The following SS18L2 variants were observed in gnomAD, a reference collection of about 807,000 sequenced individuals.
The protein encoded by SS18L2 is SS18 like 2, also known as SS18-like protein 2.
In SS18L2, 8 loss-of-function variants were observed where a neutral mutation model predicts 10.3. The observed-to-expected ratio is 0.78, with a 90% confidence interval of 0.46 to 1.41. The LOEUF (loss-of-function observed/expected upper bound fraction) is 1.41, where lower values mean the gene tolerates loss of function less well. SS18L2 is among the 40% of genes most tolerant of loss of function. SS18L2 has a pLI of 0.00. For missense variants in SS18L2, 100 were observed against 96.2 expected, an observed-to-expected ratio of 1.04 and a Z score of -0.17; for synonymous variants, 41 against 34.6, an observed-to-expected ratio of 1.19 and a Z score of -0.65.
Position 42,596,005 on chromosome 3 carries a change from T to C in SS18L2, c.*1496T>C, listed in dbSNP as rs74377054. 0.032 allele frequency among the ~76,000 whole-genome samples: 4,938 copies of C among 152,174 alleles called. 129 individuals are homozygous for C. Among genetic ancestry groups the C allele is most frequent in the East Asian group, 0.11 (585 of 5,164 alleles). ...CTCTTTCTTTTTTCTTTTTCTTCTT[T>C]TTTTTGGTTTTGTTTTGTTTTGTTT... On this transcript the variant is annotated 3_prime_UTR_variant, in exon 3 of 3. Coordinates refer to ENST00000011691, the MANE Select transcript of SS18L2 (RefSeq NM_001370300.1).
chr3:42,590,711 G>GC, upstream of SS18L2: 1 of 663,478 alleles, frequency 1.5e-6, no homozygotes, highest in Non-Finnish European at 2.6e-6. Context: ...ATACGAAAAC[G>GC]CCCCCGGCGT....
chr3:42,591,393 C>A (rs542538901), intron 1 of SS18L2, 132 bp from the exon 2 acceptor site: 2 of 671,626 alleles, frequency 3.0e-6, no homozygotes, highest in Admixed American at 5.1e-5. Context: ...TGGGGTTTCC[C>A]CATGTTGGCC....
chr3:42,594,869 A>T lies in SS18L2; in HGVS notation c.*360A>T, dbSNP rs1183468159. On this transcript the variant is annotated 3_prime_UTR_variant, in exon 3 of 3. Coordinates refer to ENST00000011691, the MANE Select transcript of SS18L2 (RefSeq NM_001370300.1). ...TAGGTGTTGGGCAGGAATTGGTGAG[A>T]TTCCTGACTTGATACCTTGCTAAAT... 1 of 166,318 alleles carries T rather than the reference A, an allele frequency of 6.0e-6. No homozygotes were observed. Among genetic ancestry groups the T allele is most frequent in the Non-Finnish European group, 1.3e-5 (1 of 77,116 alleles). 10.3% of individuals were successfully genotyped at this position (166,318 alleles called of 1,614,324 possible).
rs1704988736 is a variant in SS18L2, at chr3:42,595,030, A to T, written c.*521A>T. 6.6e-6 allele frequency: 1 copy of T among 152,350 alleles called. No homozygotes were observed. The highest frequency in any genetic ancestry group is 1.5e-5 in the Non-Finnish European group (1 of 68,132). The allele number at this position is 152,350 out of a possible 1,614,324, so 9.4% of individuals were successfully genotyped here. A position where few individuals can be genotyped will look rare whatever the true frequency, so the allele number is the denominator to read the frequency against. On this transcript the variant is annotated 3_prime_UTR_variant, in exon 3 of 3. Coordinates refer to ENST00000011691, the MANE Select transcript of SS18L2 (RefSeq NM_001370300.1). ...GAGGTATAGAAGTTTTCATGTAATA[A>T]GTATTCCATTTGGTTTTCAAGAATA...
chr3:42,590,300 T>C (rs1248862697), upstream of SS18L2, among the ~76,000 whole-genome samples: 1 of 152,152 alleles, frequency 6.6e-6, no homozygotes, highest in East Asian at 1.9e-4. Flanking sequence ...ACAATGGATC[T>C]GAAGCCATGT....
rs1405335217 is a variant in SS18L2, at chr3:42,594,654, G to A, written c.*145G>A. 8.4e-6 allele frequency: 5 copies of A among 592,364 alleles called. No individual in the cohort carries two copies. In the South Asian group the frequency reaches 9.9e-5, roughly 12 times the overall value. The allele number at this position is 592,364 out of a possible 1,614,324, so 36.7% of individuals were successfully genotyped here. A position where few individuals can be genotyped will look rare whatever the true frequency, so the allele number is the denominator to read the frequency against. ...GAAACCTCTGTGGCTCTTTCGAAACGTGAAAATGTGAAGAAAGCTACTAAC... is the reference window on the plus strand; with the variant it reads ...GAAACCTCTGTGGCTCTTTCGAAACATGAAAATGTGAAGAAAGCTACTAAC... On this transcript the variant is annotated 3_prime_UTR_variant, in exon 3 of 3. Coordinates refer to ENST00000011691, the MANE Select transcript of SS18L2 (RefSeq NM_001370300.1).
At position 42,595,723 on chromosome 3, in the gene SS18L2, A is replaced by G. The variant is rs1705009173; in HGVS notation, c.*1214A>G. Among the ~76,000 whole-genome samples, 1 of 152,254 alleles carries G rather than the reference A, an allele frequency of 6.6e-6. No homozygotes were observed. The highest frequency in any genetic ancestry group is 1.5e-5 in the Non-Finnish European group (1 of 68,044). ...TCTTGTAAGTATATCCAAAATTAGA[A>G]GCCCAGGTCCCTGCTCCTTTTTTTG... On this transcript the variant is annotated 3_prime_UTR_variant, in exon 3 of 3. Coordinates refer to ENST00000011691, the MANE Select transcript of SS18L2 (RefSeq NM_001370300.1).
intron 1 of SS18L2, 91 bp from the exon 2 acceptor site, chr3:42,591,434 C>A: frequency 1.1e-6 from 1 of 898,178 alleles, no homozygotes; most frequent in Non-Finnish European, 1.9e-6. Flanking sequence ...ACCTCGTGAT[C>A]CGCCTAGATC....
chr3:42,587,642 A>AAG (rs1704662002), upstream of SS18L2: 1 of 151,996 alleles, frequency 6.6e-6, no homozygotes, highest in African/African-American at 2.4e-5. Flanking sequence ...AAGCTGAGGC[A>AAG]GGAGAATGGC....
intron 1 of SS18L2, among the ~76,000 whole-genome samples, chr3:42,584,621 A>G (rs1704550657): frequency 6.6e-6 from 1 of 152,228 alleles, no homozygotes; most frequent in African/African-American, 2.4e-5. Flanking sequence ...ACATAGCCAG[A>G]GAAAAATTAC....
At chr3:42,588,097 TAAC>T (rs201585669), upstream of SS18L2, among the ~76,000 whole-genome samples, 452 of 146,678 alleles carry the variant, frequency 3.1e-3, 3 homozygotes, top group African/African-American at 0.011. Flanking sequence ...AAAACAACAA[TAAC>T]AACAACAACA....
upstream of SS18L2, among the ~76,000 whole-genome samples, chr3:42,590,160 T>C (rs1704769197): frequency 6.6e-6 from 1 of 152,220 alleles, no homozygotes; most frequent in South Asian, 2.1e-4. Context: ...CGCGAATTTC[T>C]CGTTCAGCAA....
At chr3:42,586,628 C>T (rs928062089), upstream of SS18L2, among the ~76,000 whole-genome samples, 6 of 151,492 alleles carry the variant, frequency 4.0e-5, no homozygotes, top group Admixed American at 2.0e-4. Context: ...CCTGGTTTTC[C>T]TCTTCCTATA....
chr3:42,589,985 A>G (rs1015452281), upstream of SS18L2, among the ~76,000 whole-genome samples: 9 of 152,192 alleles, frequency 5.9e-5, no homozygotes, highest in African/African-American at 1.9e-4. Flanking sequence ...AGAGTTCTAA[A>G]GCCAGGCTGC....
chr3:42,593,197 G>A (rs1344637846), intron 2 of SS18L2, among the ~76,000 whole-genome samples: 1 of 152,188 alleles, frequency 6.6e-6, no homozygotes, highest in Non-Finnish European at 1.5e-5. Context: ...CAGATCATCT[G>A]AGGTCAGGAG....
At chr3:42,593,382 A>G (rs1704922417) in intron 2 of SS18L2, among the ~76,000 whole-genome samples, 1 of 152,188 alleles carries the variant, frequency 6.6e-6, no homozygotes. Context: ...ACGCCACTGC[A>G]CTCTAGCCTG....
At chr3:42,583,787 C>T (rs1284264593) in intron 1 of SS18L2, among the ~76,000 whole-genome samples, 1 of 152,224 alleles carries the variant, frequency 6.6e-6, no homozygotes, top group African/African-American at 2.4e-5. Flanking sequence ...CACCCCTCTT[C>T]TGCCCTTGGC....
rs1194400844 is a variant in SS18L2 at position 42,596,296 on chromosome 3, A to G, written c.*1787A>G. Among the ~76,000 whole-genome samples the G allele has an allele frequency of 6.6e-6, 1 of 152,178 alleles. No individual in the cohort carries two copies. The highest frequency in any genetic ancestry group is 1.5e-5 in the Non-Finnish European group (1 of 68,024). On this transcript the variant is annotated 3_prime_UTR_variant, in exon 3 of 3. Coordinates refer to ENST00000011691, the MANE Select transcript of SS18L2 (RefSeq NM_001370300.1). ...CTCAGCCTCCTAGAGTGCTGGGATT[A>G]CAGGCGTAAGCCACCGCGCCCAGCC...
intron 1 of SS18L2, among the ~76,000 whole-genome samples, chr3:42,584,300 G>T (rs1306611763): frequency 1.3e-5 from 2 of 152,174 alleles, no homozygotes; most frequent in African/African-American, 4.8e-5. Flanking sequence ...TGTGGCCTAG[G>T]TTGGAGTTTA....
Sources: gnomAD v4.1 joint callset for allele counts (sites outside exome capture counted in the v4.1 genomes callset) on GRCh38, gnomAD v4.1.1 for gene constraint, MANE v1.5 for transcripts, NCBI Gene and HGNC (gene_info 2026-07-23, HGNC 2026-07-21) for gene names.